The following RADIL variants were observed in gnomAD, a reference collection of about 807,000 sequenced individuals.
The protein encoded by RADIL is Rap associating with DIL domain.
A neutral mutation model predicts 97.6 loss-of-function variants in RADIL; 99 were observed. The ratio of observed to expected loss-of-function variants is 1.01; its 90% CI spans 0.86 to 1.20. The LOEUF (loss-of-function observed/expected upper bound fraction) is 1.20, where lower values mean the gene tolerates loss of function less well. RADIL is among the 50% of genes most tolerant of loss of function. The pLI is 0.00. For synonymous variants in RADIL, 803 were observed against 691.8 expected, an observed-to-expected ratio of 1.16 and a Z score of -2.52; for missense variants, 1,765 against 1,498.9, an observed-to-expected ratio of 1.18 and a Z score of -2.93.
intron 2 of RADIL, among the ~76,000 whole-genome samples, chr7:4,844,431 G>T (rs953144732): frequency 9.2e-5 from 14 of 152,090 alleles, no homozygotes; most frequent in African/African-American, 3.1e-4. Context: ...GCAACAGAGT[G>T]AGACTCCATC....
intron 2 of RADIL, among the ~76,000 whole-genome samples, chr7:4,841,521 A>G (rs1281438013): frequency 1.3e-5 from 2 of 152,178 alleles, no homozygotes; most frequent in African/African-American, 2.4e-5. Flanking sequence ...CCTTCTCAGG[A>G]TAAGTGTCTG....
chr7:4,845,839 C>T (rs1783553567), intron 2 of RADIL, among the ~76,000 whole-genome samples: 1 of 152,198 alleles, frequency 6.6e-6, no homozygotes, highest in African/African-American at 2.4e-5. Flanking sequence ...ATTTGTTAGG[C>T]AGACACAGAT....
intron 9 of RADIL, chr7:4,809,305 GC>G (rs1318200319): frequency 1.0e-6 from 1 of 985,354 alleles, no homozygotes; most frequent in Non-Finnish European, 1.2e-6. Context: ...CCTGCCCTCG[GC>G]TCGGCCTAGT....
chr7:4,799,874 C>T (rs1782020634), intron 13 of RADIL, 105 bp from the exon 14 acceptor site: 2 of 1,395,798 alleles, frequency 1.4e-6, no homozygotes, highest in South Asian at 1.5e-5. Flanking sequence ...CGCCTGGCAT[C>T]CAGCCAGGCC....
At chr7:4,833,135 G>C (rs1214238242) in intron 4 of RADIL, among the ~76,000 whole-genome samples, 1 of 152,162 alleles carries the variant, frequency 6.6e-6, no homozygotes, top group Admixed American at 6.5e-5. Flanking sequence ...GCGAGCCCCA[G>C]GTGGCTGGGA....
At chr7:4,827,229 G>T (rs1026578726) in intron 5 of RADIL, among the ~76,000 whole-genome samples, 2 of 152,058 alleles carry the variant, frequency 1.3e-5, no homozygotes, top group Non-Finnish European at 2.9e-5. Context: ...GCCGGGCATG[G>T]TGGCAGGCGC....
chr7:4,833,051 G>A (rs1783192407), intron 4 of RADIL, among the ~76,000 whole-genome samples: 1 of 152,174 alleles, frequency 6.6e-6, no homozygotes, highest in African/African-American at 2.4e-5. Context: ...ACCTCTGGGA[G>A]CCTCTGTTTC....
At position 4,824,052 on chromosome 7, in the gene RADIL, G is replaced by T. The variant is rs1017525481; in HGVS notation, c.1455-1498C>A. Among the ~76,000 whole-genome samples, 3 of 152,140 alleles carry T rather than the reference G, an allele frequency of 2.0e-5. No individual in the cohort carries two copies. Among genetic ancestry groups the T allele is most frequent in the South Asian group, 4.1e-4 (2 of 4,822 alleles). On this transcript the variant is annotated intron_variant, in intron 5 of 14. Coordinates refer to ENST00000399583, the MANE Select transcript of RADIL (RefSeq NM_018059.5). This position sits in a 1 kb window ranked among gnomAD's most constrained non-coding sequence, Gnocchi z 6.7. ...GCCCCTGAGCAGTGAGCAGAAGGCC[G>T]TGTGTGCCCCTGAGCAGTGAGCAGA...
At chr7:4,881,468 T>G (rs978486673) in intron 1 of RADIL, among the ~76,000 whole-genome samples, 35 of 146,094 alleles carry the variant, frequency 2.4e-4, no homozygotes, top group Non-Finnish European at 1.5e-5. Context: ...GGTTCATGCC[T>G]GTAATCCCAG....
intron 2 of RADIL, among the ~76,000 whole-genome samples, chr7:4,866,955 A>G (rs112059154): frequency 1.2e-4 from 18 of 152,304 alleles, no homozygotes; most frequent in African/African-American, 4.1e-4. Flanking sequence ...GTAGGCTGCT[A>G]TAAAGCCAGG....
At chr7:4,832,040 C>A in intron 5 of RADIL, 101 bp downstream of exon 5, 1 of 1,286,080 alleles carries the variant, frequency 7.8e-7, no homozygotes, top group Non-Finnish European at 1.1e-6. Flanking sequence ...AGAGCTGACC[C>A]CAAGGCGTGG....
rs1782585962 is a variant in RADIL at position 4,813,041 on chromosome 7, G to C, written c.2139+2237C>G. Among the ~76,000 whole-genome samples, 1 of 151,938 alleles carries C rather than the reference G, an allele frequency of 6.6e-6. No homozygotes were observed. The highest frequency in any genetic ancestry group is 1.5e-5 in the Non-Finnish European group (1 of 67,992). ...GCAAGCTTTTGGTGAGGCTCAGACA[G>C]CCTCTGCTTCATCCTTACCCCAAGG... On this transcript the variant is annotated intron_variant, in intron 9 of 14. Coordinates refer to ENST00000399583, the MANE Select transcript of RADIL (RefSeq NM_018059.5). This position sits in a 1 kb window ranked among gnomAD's most constrained non-coding sequence, Gnocchi z 5.0.
At chr7:4,825,181 G>A (rs1782938940) in intron 5 of RADIL, among the ~76,000 whole-genome samples, 1 of 151,914 alleles carries the variant, frequency 6.6e-6, no homozygotes, top group Admixed American at 6.6e-5. Context: ...TAGCTGGCTG[G>A]GGCAGTTCTA....
At chr7:4,811,245 G>C (rs769315149) in intron 9 of RADIL, 3 of 152,068 alleles carry the variant, frequency 2.0e-5, no homozygotes, top group African/African-American at 4.8e-5. Flanking sequence ...ATCTGTAACT[G>C]GTTGTGATGA....
intron 13 of RADIL, 44 bp downstream of exon 13, chr7:4,800,127 A>G: frequency 6.4e-7 from 1 of 1,574,688 alleles, no homozygotes; most frequent in Non-Finnish European, 8.6e-7. Flanking sequence ...AGGCGGGGCC[A>G]GGCAGCCAGT....
At chr7:4,876,788 C>T (rs1250867760) in intron 2 of RADIL, among the ~76,000 whole-genome samples, 1 of 152,198 alleles carries the variant, frequency 6.6e-6, no homozygotes, top group Admixed American at 6.5e-5. Context: ...AGGCCCTCCT[C>T]AGGAAGGCCT....
At chr7:4,864,187 C>T (rs1018007379) in intron 2 of RADIL, among the ~76,000 whole-genome samples, 2 of 152,184 alleles carry the variant, frequency 1.3e-5, no homozygotes, top group African/African-American at 4.8e-5. Context: ...GTTGCCCAAC[C>T]CATGACCCCA....
rs374911868 is a variant in RADIL at position 4,799,657 on chromosome 7, C to G, written c.3095G>C (p.Ser1032Thr). ...CAGGTAGCCAAGGCCCAGGAGGCTG[C>G]TGCCATTCACCTCCAGGATACGGTC... ...LGDRILEVNG[S>T]SLLGLGYLRA... Residue 1032 changes from serine (S) to threonine (T), a missense_variant, in exon 14 of 15, where the codon AGC (serine) becomes ACC (threonine). Coordinates refer to ENST00000399583, the MANE Select transcript of RADIL (RefSeq NM_018059.5). 4 of 1,600,144 alleles carry G rather than the reference C, an allele frequency of 2.5e-6. No homozygotes were observed. In the South Asian group the frequency reaches 4.5e-5, roughly 18 times the overall value.
rs1274107464 is a variant in RADIL, at chr7:4,878,145, G to C, written c.-6C>G. 3 of 1,537,936 alleles carry C rather than the reference G, an allele frequency of 2.0e-6. No homozygotes were observed. In the South Asian group the frequency reaches 3.7e-5, roughly 19 times the overall value. Reference sequence around the variant, plus strand: ...AAGTGCGTCCCATAAAACATGGTGGGTGAGGCTTCATGGATGAGGACTGTG... The same window carrying C: ...AAGTGCGTCCCATAAAACATGGTGGCTGAGGCTTCATGGATGAGGACTGTG... On this transcript the variant is annotated 5_prime_UTR_variant, in exon 2 of 15. Transcript: ENST00000399583. This position sits in a 1 kb window ranked among gnomAD's most constrained non-coding sequence, Gnocchi z 4.1.
Sources: gnomAD v4.1 joint callset for allele counts (sites outside exome capture counted in the v4.1 genomes callset) on GRCh38, gnomAD v4.1.1 for gene constraint, Gnocchi (gnomAD v3.1) non-coding constraint, MANE v1.5 for transcripts, NCBI Gene and HGNC (gene_info 2026-07-23, HGNC 2026-07-21) for gene names.